Variants in DLEC1 observed in about 807,000 individuals in gnomAD.
DLEC1 encodes the protein DLEC1 cilia and flagella associated protein.
DLEC1 carries 146 observed loss-of-function variants against 198.1 expected under a neutral mutation model. The ratio of observed to expected loss-of-function variants is 0.74; its 90% CI spans 0.64 to 0.85. DLEC1 has a LOEUF of 0.85. Among genes scored for constraint, DLEC1 ranks in the 40% least tolerant of loss-of-function variants. The probability of loss-of-function intolerance (pLI) is 0.00; values close to 1 mark genes in which losing one functional copy is unlikely to be tolerated. For synonymous variants in DLEC1, 897 were observed against 866.8 expected, an observed-to-expected ratio of 1.03 and a Z score of -0.61; for missense variants, 2,233 against 2,220.0, an observed-to-expected ratio of 1.01 and a Z score of -0.12.
At position 38,062,687 on chromosome 3, in the gene DLEC1, T is replaced by TA. The variant is rs765332789; in HGVS notation, c.986dup (p.Asn329LysfsTer8). 6.2e-6 allele frequency: 10 copies of TA among 1,614,134 alleles called. No homozygotes were observed. The highest frequency in any genetic ancestry group is 2.2e-5 in the East Asian group (1 of 44,884). On this transcript the variant is annotated frameshift_variant, in exon 5 of 37. Coordinates refer to ENST00000308059, the MANE Select transcript of DLEC1 (RefSeq NM_007335.4). LOFTEE classifies it high-confidence loss of function. ...AGAATGGAGAGTCGGAACCACTTCC[T>TA]AAAAAATCCCCGTTTTTTTCCTCCT... is the stretch of plus-strand genomic sequence containing the variant.
At chr3:38,072,410 G>A (rs928610219) in intron 6 of DLEC1, among the ~76,000 whole-genome samples, 1 of 152,206 alleles carries the variant, frequency 6.6e-6, no homozygotes, top group African/African-American at 2.4e-5. Flanking sequence ...AAACAGTAAG[G>A]TCAAGTTGTT....
chr3:38,093,201 C>T (rs113943693), intron 11 of DLEC1, among the ~76,000 whole-genome samples: 2,963 of 152,280 alleles, frequency 0.019, 43 homozygotes, highest in Non-Finnish European at 0.029. Flanking sequence ...GCCAGTGGCT[C>T]ACACATAAAC....
At position 38,097,879 on chromosome 3, in the gene DLEC1, T is replaced by G. The variant is rs200536832; in HGVS notation, c.2701T>G (p.Ser901Ala). 3.1e-5 allele frequency: 50 copies of G among 1,614,154 alleles called. No individual in the cohort carries two copies. The highest frequency in any genetic ancestry group is 2.7e-4 in the South Asian group (25 of 91,080). The stretch of plus-strand genomic sequence containing the variant: ...ATGGCGCATGAAGGAGAGCCCAGTC[T>G]CCCTCCAGGAAAGGCCTGAGGATGT... ...ATWRMKESPVSLQERPEDVSP... is the reference protein window; with the variant it reads ...ATWRMKESPVALQERPEDVSP... Residue 901 changes from serine to alanine, a missense_variant, in exon 18 of 37, where the codon TCC becomes GCC. By Grantham distance (99) the Ser-to-Ala change is moderately conservative. Transcript: ENST00000308059.
At chr3:38,068,953 G>A (rs1175282683) in intron 6 of DLEC1, among the ~76,000 whole-genome samples, 4 of 152,178 alleles carry the variant, frequency 2.6e-5, no homozygotes, top group African/African-American at 9.7e-5. Flanking sequence ...TGGGGGATAG[G>A]AAGGGCGTGT....
chr3:38,122,717 A>C lies in DLEC1; in HGVS notation c.*305A>C, dbSNP rs1195468768. On this transcript the variant is annotated 3_prime_UTR_variant, in exon 37 of 37. Coordinates refer to ENST00000308059, the MANE Select transcript of DLEC1 (RefSeq NM_007335.4). ...GAAAAAAACCACAGCCACTAAGATA[A>C]ATTCATGCACTTTTACTATGCCCAT... The C allele has an allele frequency of 2.2e-6, 3 of 1,369,740 alleles. No individual in the cohort carries two copies. The African/African-American group carries it at 4.4e-5, about 20-fold the overall frequency. The allele number at this position is 1,369,740 out of a possible 1,614,324, so 84.8% of individuals were successfully genotyped here. A position where few individuals can be genotyped will look rare whatever the true frequency, so the allele number is the denominator to read the frequency against.
chr3:38,078,187 C>T (rs79619859), intron 6 of DLEC1, among the ~76,000 whole-genome samples: 1 of 152,054 alleles, frequency 6.6e-6, no homozygotes, highest in African/African-American at 2.4e-5. Flanking sequence ...ACAATGGTAA[C>T]TGTGGGACTT....
At chr3:38,064,492 G>A (rs552356092) in intron 6 of DLEC1, among the ~76,000 whole-genome samples, 15 of 152,308 alleles carry the variant, frequency 9.8e-5, no homozygotes, top group Admixed American at 5.2e-4. Context: ...AACCGCCATC[G>A]GCATCATGGC....
Position 38,039,520 on chromosome 3 carries a change from GT to G in DLEC1, c.296del (p.Val99AlafsTer15). ...TQDISHLLTG[V>X]FRNLYSAEVI... ...AGATATCTCGCACTTGCTCACCGGC[GT>G]CTTCCGCAACTTGTACTCAGCCGAG... On this transcript the variant is annotated frameshift_variant, in exon 1 of 37. Transcript: ENST00000308059. LOFTEE classifies it high-confidence loss of function. The G allele has an allele frequency of 6.2e-7, 1 of 1,614,044 alleles. No individual in the cohort carries two copies. The highest frequency in any genetic ancestry group is 1.3e-5 in the African/African-American group (1 of 75,072).
In DLEC1 at chr3:38,112,142, C is replaced by A; in HGVS notation, c.3515-68C>A. 1 of 1,601,660 alleles carries A rather than the reference C, an allele frequency of 6.2e-7. No homozygotes were observed. The highest frequency in any genetic ancestry group is 1.1e-5 in the South Asian group (1 of 89,204). On this transcript the variant is annotated intron_variant, in intron 24 of 36. Coordinates refer to ENST00000308059, the MANE Select transcript of DLEC1 (RefSeq NM_007335.4). The surrounding 1 kb of genome is among the most constrained non-coding windows in gnomAD (Gnocchi z 4.8). ...TATCGGGGACAGTGCTTTGCTCACACACGAGGGTTTGGACCTCACTCCCAA... is the reference window on the plus strand; with the variant it reads ...TATCGGGGACAGTGCTTTGCTCACAAACGAGGGTTTGGACCTCACTCCCAA...
chr3:38,044,579 A>AG (rs770753324), intron 1 of DLEC1, among the ~76,000 whole-genome samples: 120 of 152,198 alleles, frequency 7.9e-4, no homozygotes, highest in Non-Finnish European at 1.5e-3. Flanking sequence ...AGAAAAAAAA[A>AG]GAAAGAAAGG....
At chr3:38,077,010 T>C (rs138194976) in intron 6 of DLEC1, among the ~76,000 whole-genome samples, 3,443 of 152,202 alleles carry the variant, frequency 0.023, 131 homozygotes, top group African/African-American at 0.079. Context: ...TTGTATGAAT[T>C]GAAAAACTAA....
Position 38,122,681 on chromosome 3 carries a change from A to T in DLEC1, c.*269A>T. On this transcript the variant is annotated 3_prime_UTR_variant, in exon 37 of 37. Transcript: ENST00000308059. ...TGCATAGCGAAGACCAGTATGGCAA[A>T]ATTAGTCTTGGAAAAAAACCACAGC... 1.4e-6 allele frequency: 2 copies of T among 1,419,236 alleles called. No individual in the cohort carries two copies. The highest frequency in any genetic ancestry group is 2.9e-5 in the South Asian group (2 of 68,046). The allele number at this position is 1,419,236 out of a possible 1,614,324, so 87.9% of individuals were successfully genotyped here.
At chr3:38,117,666 CTG>C in intron 32 of DLEC1, 55 bp downstream of exon 32, 1 of 1,611,922 alleles carries the variant, frequency 6.2e-7, no homozygotes, top group Non-Finnish European at 8.5e-7. Flanking sequence ...TCAGATGTCT[CTG>C]TGTGCCCTTG....
intron 6 of DLEC1, among the ~76,000 whole-genome samples, chr3:38,082,859 A>G (rs1431027064): frequency 6.6e-6 from 1 of 152,198 alleles, no homozygotes; most frequent in African/African-American, 2.4e-5. Context: ...CACCTTTGAA[A>G]CGTGGGTGAA....
At chr3:38,064,998 T>C (rs1408735446) in intron 6 of DLEC1, among the ~76,000 whole-genome samples, 1 of 150,940 alleles carries the variant, frequency 6.6e-6, no homozygotes, top group Non-Finnish European at 1.5e-5. Flanking sequence ...GGCTGGGAGG[T>C]GGAGGTTGTA....
intron 20 of DLEC1, 47 bp downstream of exon 20, chr3:38,107,784 C>T: frequency 1.9e-6 from 3 of 1,594,290 alleles, no homozygotes; most frequent in Non-Finnish European, 2.6e-6. Context: ...CCCTCAGCCA[C>T]AGAGGCCCAC....
At chr3:38,082,489 G>T (rs1423457756) in intron 6 of DLEC1, among the ~76,000 whole-genome samples, 1 of 152,176 alleles carries the variant, frequency 6.6e-6, no homozygotes, top group Non-Finnish European at 1.5e-5. Flanking sequence ...TCCCGGTTCG[G>T]GTGTTCTTAA....
At chr3:38,121,472 T>C (rs564414394) in intron 34 of DLEC1, among the ~76,000 whole-genome samples, 156 bp from the exon 35 acceptor site, 2 of 152,296 alleles carry the variant, frequency 1.3e-5, no homozygotes, top group South Asian at 4.1e-4. Flanking sequence ...TAGCAGCCTG[T>C]GGCCTTTTAA....
Position 38,116,083 on chromosome 3 carries a change from T to C in DLEC1, c.3857-370T>C, listed in dbSNP as rs2125740474. Among the ~76,000 whole-genome samples, 4 of 151,828 alleles carry C rather than the reference T, an allele frequency of 2.6e-5. No homozygotes were observed. In the Middle Eastern group the frequency reaches 0.01, roughly 387 times the overall value. ...GAAGGACGTGAAAGCTGACATAGGC[T>C]GATGGATAGATGGGGAGAAGGAAGG... On this transcript the variant is annotated intron_variant, in intron 27 of 36. Coordinates refer to ENST00000308059, the MANE Select transcript of DLEC1 (RefSeq NM_007335.4).
Sources: gnomAD v4.1 joint callset for allele counts (sites outside exome capture counted in the v4.1 genomes callset) on GRCh38, gnomAD v4.1.1 for gene constraint, Gnocchi (gnomAD v3.1) non-coding constraint, MANE v1.5 for transcripts, NCBI Gene and HGNC (gene_info 2026-07-23, HGNC 2026-07-21) for gene names.